FER: variants seen among roughly 807,000 people sequenced by gnomAD.
FER encodes tyrosine-protein kinase Fer.
FER carries 63 observed loss-of-function variants against 111.0 expected under a neutral mutation model. That is an observed-to-expected ratio of 0.57 (90% CI 0.46 to 0.70). The LOEUF (loss-of-function observed/expected upper bound fraction) is 0.70. FER is among the 30% of genes least tolerant of loss of function. The pLI is 0.00. For synonymous variants in FER, 327 were observed against 313.9 expected (o/e 1.04, Z -0.44); for missense variants, 914 against 954.0 (o/e 0.96, Z 0.55).
intron 16 of FER, among the ~76,000 whole-genome samples, chr5:109,056,419 A>G (rs1773656398): frequency 6.6e-6 from 1 of 152,228 alleles, no homozygotes; most frequent in Non-Finnish European, 1.5e-5. Context: ...ACCATTTGTC[A>G]AAACACAGAT....
chr5:108,794,423 T>A (rs1755754921), intron 2 of FER, among the ~76,000 whole-genome samples: 1 of 151,930 alleles, frequency 6.6e-6, no homozygotes, highest in Non-Finnish European at 1.5e-5. Flanking sequence ...TTCACCATGT[T>A]GGCCAGGCTG....
chr5:108,944,140 C>A (rs931428548), intron 10 of FER, among the ~76,000 whole-genome samples: 1 of 150,964 alleles, frequency 6.6e-6, no homozygotes, highest in Non-Finnish European at 1.5e-5. Flanking sequence ...CACACACACA[C>A]AAACACACAC....
intron 17 of FER, among the ~76,000 whole-genome samples, chr5:109,100,767 A>C (rs527396687): frequency 6.6e-6 from 1 of 152,004 alleles, no homozygotes; most frequent in East Asian, 1.9e-4. Context: ...TTTTATTATA[A>C]TCATGAACAA....
chr5:108,788,763 T>C (rs907924281), intron 2 of FER, among the ~76,000 whole-genome samples: 2 of 152,166 alleles, frequency 1.3e-5, no homozygotes, highest in Non-Finnish European at 2.9e-5. Context: ...AACCTTAATA[T>C]TTTACCTAAA....
intron 16 of FER, among the ~76,000 whole-genome samples, chr5:109,081,160 A>G (rs1471405936): frequency 6.6e-6 from 1 of 152,058 alleles, no homozygotes; most frequent in East Asian, 1.9e-4. Flanking sequence ...CTGAGCTCCT[A>G]CAACTAATTG....
intron 13 of FER, among the ~76,000 whole-genome samples, chr5:108,984,563 GTT>G (rs552202875): frequency 8.9e-5 from 13 of 146,162 alleles, no homozygotes; most frequent in South Asian, 2.2e-4. Flanking sequence ...TGCCACGATA[GTT>G]TTTTTTTTTT....
At chr5:109,108,588 A>G (rs1749228970) in intron 17 of FER, among the ~76,000 whole-genome samples, 1 of 152,156 alleles carries the variant, frequency 6.6e-6, no homozygotes, top group African/African-American at 2.4e-5. Context: ...AAGTCCATCC[A>G]ACAGGCAGGA....
chr5:108,925,967 G>C (rs905707123), intron 10 of FER, among the ~76,000 whole-genome samples: 1 of 151,846 alleles, frequency 6.6e-6, no homozygotes, highest in Non-Finnish European at 1.5e-5. Flanking sequence ...GCTAGCTAGT[G>C]ACTTGCATAA....
At position 109,194,656 on chromosome 5, in the gene FER, C is replaced by T. The variant is rs1009959512; in HGVS notation, c.*7081C>T. The T allele has an allele frequency of 1.3e-5, 2 of 152,144 alleles. No homozygotes were observed. Among genetic ancestry groups the T allele is most frequent in the Admixed American group, 1.3e-4 (2 of 15,278 alleles). The allele number at this position is 152,144 out of a possible 1,614,324, so 9.4% of individuals were successfully genotyped here. ...TTCATCTGATCCCAGAAGATCATAC[C>T]TTCTTTTGAAAGTATAGGACAGATA... is the stretch of plus-strand genomic sequence containing the variant. On this transcript the variant is annotated 3_prime_UTR_variant, in exon 20 of 20. Transcript: ENST00000281092.
At chr5:109,118,094 A>G (rs1480122929) in intron 17 of FER, among the ~76,000 whole-genome samples, 1 of 152,100 alleles carries the variant, frequency 6.6e-6, no homozygotes. Flanking sequence ...GCCAATTTTC[A>G]AAGGGAATGC....
intron 17 of FER, among the ~76,000 whole-genome samples, chr5:109,133,495 C>T (rs1193246011): frequency 1.3e-5 from 2 of 151,930 alleles, no homozygotes; most frequent in African/African-American, 4.8e-5. Flanking sequence ...TTAGTAAAGG[C>T]AATATTTTTA....
At chr5:109,133,565 A>G (rs1752586837) in intron 17 of FER, among the ~76,000 whole-genome samples, 1 of 152,194 alleles carries the variant, frequency 6.6e-6, no homozygotes, top group African/African-American at 2.4e-5. Flanking sequence ...CTGCATAATT[A>G]TCAAGGTTTT....
chr5:109,134,232 T>C (rs1752655967), intron 17 of FER, among the ~76,000 whole-genome samples: 1 of 152,120 alleles, frequency 6.6e-6, no homozygotes, highest in Non-Finnish European at 1.5e-5. Flanking sequence ...CCATACTATG[T>C]AATATTTTGT....
Position 109,037,485 on chromosome 5 carries a change from A to G in FER, c.1713+7A>G. 6 of 1,609,786 alleles carry G rather than the reference A, an allele frequency of 3.7e-6. No individual in the cohort carries two copies. Among genetic ancestry groups the G allele is most frequent in the Non-Finnish European group, 5.1e-6 (6 of 1,176,650 alleles). On this transcript the variant is annotated splice_region_variant and intron_variant, in intron 14 of 19. Transcript: ENST00000281092. ...GGGAGAATTACTGGGCAAGGTATGT[A>G]ATCAACTGAGCTAAATAACCAGAAG...
At chr5:108,820,594 C>G in intron 3 of FER, 5 of 949,970 alleles carry the variant, frequency 5.3e-6, no homozygotes, top group African/African-American at 1.8e-5. Flanking sequence ...CTTTTTAATA[C>G]CAGTAGTAAT....
chr5:108,769,908 ATACT>A (rs1430456348), intron 2 of FER, among the ~76,000 whole-genome samples: 1 of 152,100 alleles, frequency 6.6e-6, no homozygotes, highest in Non-Finnish European at 1.5e-5. Context: ...ATACTAGTTA[ATACT>A]TTATTTTGCT....
At chr5:108,947,841 T>G (rs895799811) in intron 11 of FER, among the ~76,000 whole-genome samples, 3 of 151,866 alleles carry the variant, frequency 2.0e-5, no homozygotes, top group African/African-American at 7.2e-5. Flanking sequence ...TGGTTAATTT[T>G]TGTATATGGA....
intron 16 of FER, among the ~76,000 whole-genome samples, chr5:109,086,220 C>T (rs1165359001): frequency 1.3e-5 from 2 of 151,636 alleles, no homozygotes; most frequent in East Asian, 3.9e-4. Context: ...ACAATATGGG[C>T]TATTTAAATT....
chr5:108,778,292 T>C (rs1257760723), intron 2 of FER, among the ~76,000 whole-genome samples: 2 of 152,214 alleles, frequency 1.3e-5, no homozygotes, highest in Non-Finnish European at 2.9e-5. Flanking sequence ...TGTGTGGATA[T>C]AAAATTTCAA....
Sources: gnomAD v4.1 joint callset for allele counts (sites outside exome capture counted in the v4.1 genomes callset) on GRCh38, gnomAD v4.1.1 for gene constraint, MANE v1.5 for transcripts, NCBI Gene and HGNC (gene_info 2026-07-23, HGNC 2026-07-21) for gene names.